The following TCF7L1 variants were observed in gnomAD, a reference collection of about 807,000 sequenced individuals.
The protein encoded by TCF7L1 is transcription factor 7 like 1.
A neutral mutation model predicts 63.7 loss-of-function variants in TCF7L1; 18 were observed. The observed-to-expected ratio is 0.28, with a 90% CI of 0.20 to 0.42. The LOEUF (loss-of-function observed/expected upper bound fraction) is 0.42, where lower values mean the gene tolerates loss of function less well. Ranked by LOEUF, TCF7L1 falls within the 10% of genes least tolerant of loss-of-function variation. TCF7L1 has a pLI of 1.00. For synonymous variants in TCF7L1, 355 were observed against 340.9 expected (o/e 1.04, Z -0.46); for missense variants, 654 against 779.3 (o/e 0.84, Z 1.91).
intron 3 of TCF7L1, among the ~76,000 whole-genome samples, chr2:85,240,184 A>G (rs1680291686): frequency 1.3e-5 from 2 of 152,206 alleles, no homozygotes; most frequent in African/African-American, 4.8e-5. Context: ...GCAAGTGGCC[A>G]CTGCACTGCA....
intron 3 of TCF7L1, among the ~76,000 whole-genome samples, chr2:85,243,014 A>C (rs1185132824): frequency 6.6e-6 from 1 of 152,218 alleles, no homozygotes; most frequent in Non-Finnish European, 1.5e-5. Flanking sequence ...ATAGTAGTTA[A>C]CAATAAGTAA....
chr2:85,279,669 G>A (rs1226544630), intron 3 of TCF7L1, among the ~76,000 whole-genome samples: 1 of 151,996 alleles, frequency 6.6e-6, no homozygotes, highest in Non-Finnish European at 1.5e-5. Context: ...TCCTCCCCCC[G>A]TCACTCATCT....
At chr2:85,230,244 G>T (rs1280948426) in intron 3 of TCF7L1, among the ~76,000 whole-genome samples, 1 of 152,152 alleles carries the variant, frequency 6.6e-6, no homozygotes, top group African/African-American at 2.4e-5. Flanking sequence ...CAATAGTGCA[G>T]TGCATGATTC....
intron 3 of TCF7L1, among the ~76,000 whole-genome samples, chr2:85,265,622 C>G (rs552454860): frequency 6.6e-6 from 1 of 152,270 alleles, no homozygotes; most frequent in East Asian, 1.9e-4. Context: ...CCATTGAAGG[C>G]TTCCAAACGG....
chr2:85,202,341 T>C (rs1230816242), intron 3 of TCF7L1, among the ~76,000 whole-genome samples: 1 of 152,204 alleles, frequency 6.6e-6, no homozygotes, highest in Non-Finnish European at 1.5e-5. Flanking sequence ...GTATTCTGGG[T>C]ACTAGATCCT....
intron 3 of TCF7L1, among the ~76,000 whole-genome samples, chr2:85,198,516 A>G (rs548944949): frequency 5.3e-5 from 8 of 152,320 alleles, no homozygotes; most frequent in African/African-American, 1.9e-4. Context: ...ACAGACTCCC[A>G]AAGCTAAACA....
At chr2:85,181,387 T>G (rs1400223666) in intron 3 of TCF7L1, among the ~76,000 whole-genome samples, 8 of 152,128 alleles carry the variant, frequency 5.3e-5, no homozygotes, top group Non-Finnish European at 8.8e-5. Flanking sequence ...GAAGGACATA[T>G]AGGAGGCTCC....
At position 85,309,031 on chromosome 2, in the gene TCF7L1, G is replaced by A. The variant is rs1280962939; in HGVS notation, c.1336G>A (p.Ala446Thr). 1 of 1,587,846 alleles carries A rather than the reference G, an allele frequency of 6.3e-7. No individual in the cohort carries two copies. Among genetic ancestry groups the A allele is most frequent in the African/African-American group, 1.4e-5 (1 of 73,790 alleles). ...SQQQVQEAEG[A>T]LASKSKKPCV... ...TCTTTCTTGTATTTTCCCCCTAGGT[G>A]CCCTGGCCTCCAAGAGCAAGAAGCC... Residue 446 changes from alanine (A) to threonine (T), a missense_variant and splice_region_variant, in exon 12 of 12, where the codon GCC becomes ACC. Ala to Thr is a moderately conservative substitution (Grantham distance 58). Coordinates refer to ENST00000282111, the MANE Select transcript of TCF7L1 (RefSeq NM_031283.3).
At chr2:85,303,213 T>G (rs1029288006) in intron 5 of TCF7L1, among the ~76,000 whole-genome samples, 3 of 152,090 alleles carry the variant, frequency 2.0e-5, no homozygotes, top group Non-Finnish European at 4.4e-5. Context: ...ATTTTTGTAT[T>G]TTTAGTAGAG....
At chr2:85,203,289 G>T (rs756267464) in intron 3 of TCF7L1, among the ~76,000 whole-genome samples, 3 of 152,102 alleles carry the variant, frequency 2.0e-5, no homozygotes, top group Admixed American at 1.3e-4. Context: ...ACATTGCATG[G>T]CTCTGTCACA....
rs72932652 is a variant in TCF7L1 at position 85,161,625 on chromosome 2, C to T, written c.441+27175C>T. On this transcript the variant is annotated intron_variant, in intron 3 of 11. Transcript: ENST00000282111. The stretch of plus-strand genomic sequence containing the variant: ...TTTGGTCTGGGGAGCCAGGTTAACA[C>T]GTGAAGCTCAAGGAGCACAGAAGTC... Among the ~76,000 whole-genome samples the T allele has an allele frequency of 3.3e-5, 5 of 152,134 alleles. No individual in the cohort carries two copies. The East Asian group carries it at 5.8e-4, about 18-fold the overall frequency.
chr2:85,152,767 G>C (rs1678048650), intron 3 of TCF7L1, among the ~76,000 whole-genome samples: 1 of 151,640 alleles, frequency 6.6e-6, no homozygotes. Context: ...TCTTAATATT[G>C]GTGATTCTGT....
rs1574072349 is a variant in TCF7L1, at chr2:85,133,820, G to T, written c.136G>T (p.Gly46Cys). Residue 46 changes from glycine (G) to cysteine (C), a missense_variant, in exon 1 of 12, where the codon GGC becomes TGC. Physicochemically the swap from Gly to Cys is radical, Grantham distance 159. Around this residue, in one of 3 missense-constraint regions of TCF7L1, gnomAD observed 404 missense variants for 454.8 expected, o/e 0.89. Coordinates refer to ENST00000282111, the MANE Select transcript of TCF7L1 (RefSeq NM_031283.3). This position sits in a 1 kb window ranked among gnomAD's most constrained non-coding sequence, Gnocchi z 4.4. ...DELIPFQDEGGEEQEPSSDSA... is the reference protein window; with the variant it reads ...DELIPFQDEGCEEQEPSSDSA... ...GCTGATCCCCTTCCAGGACGAGGGG[G>T]GCGAGGAGCAGGAGCCGAGCAGCGA... is the stretch of plus-strand genomic sequence containing the variant. The T allele has an allele frequency of 1.4e-6, 2 of 1,477,616 alleles. No homozygotes were observed. The highest frequency in any genetic ancestry group is 1.8e-6 in the Non-Finnish European group (2 of 1,112,042). The allele number at this position is 1,477,616 out of a possible 1,614,324, so 91.5% of individuals were successfully genotyped here. A position where few individuals can be genotyped will look rare whatever the true frequency, so the allele number is the denominator to read the frequency against.
rs1213324688 is a variant in TCF7L1 at position 85,309,940 on chromosome 2, G to A, written c.*478G>A. ...GTCCTCTGTCCTCTGCCCAGTGTGA[G>A]GCCATCACCATGTGAGAAGACATCT... is the stretch of plus-strand genomic sequence containing the variant. On this transcript the variant is annotated 3_prime_UTR_variant, in exon 12 of 12. Transcript: ENST00000282111. The A allele has an allele frequency of 6.5e-6, 1 of 154,498 alleles. No individual in the cohort carries two copies. Among genetic ancestry groups the A allele is most frequent in the Non-Finnish European group, 1.4e-5 (1 of 69,586 alleles). The allele number at this position is 154,498 out of a possible 1,614,324, so 9.6% of individuals were successfully genotyped here.
intron 3 of TCF7L1, among the ~76,000 whole-genome samples, chr2:85,141,757 G>A (rs1030937379): frequency 2.0e-5 from 3 of 152,188 alleles, no homozygotes; most frequent in African/African-American, 7.2e-5. Flanking sequence ...TCCGTGGAGG[G>A]TGCTGTATAG....
At chr2:85,195,959 C>A (rs1035644603) in intron 3 of TCF7L1, among the ~76,000 whole-genome samples, 1 of 152,196 alleles carries the variant, frequency 6.6e-6, no homozygotes, top group Non-Finnish European at 1.5e-5. Context: ...AAAAGGATTT[C>A]TTTAAAGGAC....
intron 3 of TCF7L1, among the ~76,000 whole-genome samples, chr2:85,218,605 G>A (rs557628296): frequency 3.1e-4 from 46 of 149,752 alleles, no homozygotes; most frequent in Non-Finnish European, 5.8e-4. Flanking sequence ...TCATGAACTA[G>A]GAAATATTTA....
At chr2:85,285,649 C>G (rs1468311658) in intron 4 of TCF7L1, among the ~76,000 whole-genome samples, 2 of 152,222 alleles carry the variant, frequency 1.3e-5, no homozygotes, top group African/African-American at 2.4e-5. Flanking sequence ...CGGGTGCCCT[C>G]TAGTGGTGCC....
intron 3 of TCF7L1, among the ~76,000 whole-genome samples, chr2:85,178,283 T>C (rs1000085695): frequency 3.3e-5 from 5 of 152,276 alleles, no homozygotes; most frequent in African/African-American, 1.2e-4. Context: ...AGCTGGTTAC[T>C]GTTTGGGCTT....
Sources: allele counts gnomAD v4.1 joint callset (sites outside exome capture counted in the v4.1 genomes callset), GRCh38; gene constraint gnomAD v4.1.1; regional missense constraint gnomAD v4.1.1; non-coding constraint Gnocchi (gnomAD v3.1); transcripts MANE v1.5; gene names NCBI Gene and HGNC (gene_info 2026-07-23, HGNC 2026-07-21).